Variants in NCOR1 observed in about 807,000 individuals in gnomAD.
NCOR1 encodes the protein protein phosphatase 1, regulatory subunit 109.
NCOR1 carries 63 observed loss-of-function variants against 288.1 expected under a neutral mutation model. The observed-to-expected ratio is 0.22, with a 90% CI of 0.18 to 0.27. NCOR1 has a LOEUF of 0.27. NCOR1 is among the 10% of genes least tolerant of loss of function. The pLI, the probability that NCOR1 is intolerant of heterozygous loss-of-function variation, is 1.00. For synonymous variants in NCOR1, 1,007 were observed against 1,065.9 expected (o/e 0.94, Z 1.08); for missense variants, 2,397 against 3,019.2 (o/e 0.79, Z 4.83).
At chr17:16,051,255 T>C (rs2059279167) in intron 40 of NCOR1, among the ~76,000 whole-genome samples, 1 of 152,202 alleles carries the variant, frequency 6.6e-6, no homozygotes, top group African/African-American at 2.4e-5. Flanking sequence ...CTCTTTCCTA[T>C]GCAACCCTCA....
chr17:16,073,975 A>G (rs1281847498), intron 27 of NCOR1, among the ~76,000 whole-genome samples: 1 of 152,236 alleles, frequency 6.6e-6, no homozygotes, highest in Non-Finnish European at 1.5e-5. Flanking sequence ...AGAATGAAGG[A>G]TGAATAAGAG....
At chr17:16,194,435 G>T (rs1414613223) in intron 2 of NCOR1, 27 bp downstream of exon 2, 1 of 1,433,424 alleles carries the variant, frequency 7.0e-7, no homozygotes, top group East Asian at 2.3e-5. Context: ...AAAAACATGT[G>T]CAATTTGCAT....
chr17:16,068,364 T>C (rs1187909028), intron 31 of NCOR1: 1 of 474,364 alleles, frequency 2.1e-6, no homozygotes, highest in Non-Finnish European at 3.8e-6. Flanking sequence ...CACCAGTATT[T>C]TACCACCTTA....
At chr17:16,147,240 C>T (rs959121657) in intron 9 of NCOR1, among the ~76,000 whole-genome samples, 1 of 152,124 alleles carries the variant, frequency 6.6e-6, no homozygotes, top group African/African-American at 2.4e-5. Flanking sequence ...GAAACCCCGT[C>T]TCTATTAAAA....
intron 3 of NCOR1, among the ~76,000 whole-genome samples, chr17:16,172,620 A>G (rs1363589781): frequency 6.6e-6 from 1 of 152,218 alleles, no homozygotes; most frequent in African/African-American, 2.4e-5. Flanking sequence ...ATGAGGTACC[A>G]TTCAGTCTTA....
At chr17:16,072,039 A>T in intron 29 of NCOR1, 106 bp downstream of exon 29, 1 of 890,092 alleles carries the variant, frequency 1.1e-6, no homozygotes, top group Non-Finnish European at 1.7e-6. Flanking sequence ...TAATATTTCA[A>T]AAGGGAAAAT....
At chr17:16,059,047 C>T (rs993106520) in intron 37 of NCOR1, among the ~76,000 whole-genome samples, 5 of 69,214 alleles carry the variant, frequency 7.2e-5, no homozygotes, top group African/African-American at 3.4e-4. Flanking sequence ...GAAACTCCGT[C>T]TCAAAAAAAA....
At chr17:16,082,743 A>G (rs2063588169) in intron 23 of NCOR1, among the ~76,000 whole-genome samples, 1 of 151,376 alleles carries the variant, frequency 6.6e-6, no homozygotes, top group South Asian at 2.1e-4. Context: ...AAAAAGAAGA[A>G]AGTACAAGAA....
intron 15 of NCOR1, among the ~76,000 whole-genome samples, chr17:16,122,973 C>A (rs1308329672): frequency 6.6e-6 from 1 of 152,116 alleles, no homozygotes; most frequent in Non-Finnish European, 1.5e-5. Context: ...CCCCTAGAGC[C>A]TTAGAGCTAT....
At position 16,047,061 on chromosome 17, in the gene NCOR1, T is replaced by A; in HGVS notation, c.6569A>T (p.Tyr2190Phe). The stretch of plus-strand genomic sequence containing the variant: ...AAGCTTGGTGAAGAATGAAGGCAAG[T>A]AGCTTATACTCCCTGGTGAGCGGGC... ...NDARSPGSIS[Y>F]LPSFFTKLEN... Residue 2190 changes from tyrosine to phenylalanine, a missense_variant, in exon 42 of 46, where the codon TAC (tyrosine) becomes TTC (phenylalanine). Around this residue, in one of 11 missense-constraint regions of NCOR1, gnomAD observed 1,872 missense variants for 2,187.8 expected, o/e 0.86. Transcript: ENST00000268712. 1 of 1,613,748 alleles carries A rather than the reference T, an allele frequency of 6.2e-7. No homozygotes were observed. Among genetic ancestry groups the A allele is most frequent in the South Asian group, 1.1e-5 (1 of 90,994 alleles).
At chr17:16,128,230 C>A (rs2075056836) in intron 14 of NCOR1, among the ~76,000 whole-genome samples, 1 of 152,242 alleles carries the variant, frequency 6.6e-6, no homozygotes, top group Non-Finnish European at 1.5e-5. Context: ...CTCACCTAAA[C>A]ATGCCCAGCA....
In NCOR1 at chr17:16,071,529, G is replaced by A. The variant is rs2152735639; in HGVS notation, c.4032C>T (p.Ile1344=). Residue 1344 remains isoleucine, a synonymous_variant, in exon 30 of 46, where the codon ATC becomes ATT. Coordinates refer to ENST00000268712, the MANE Select transcript of NCOR1 (RefSeq NM_006311.4). The part of the protein sequence containing the change: ...KGKPYDGITT[I]KEMGRSIHEI... ...CATGAATGGAACGCCCCATTTCTTT[G>A]ATGGTGGTGATGCCATCATATGGTT... 1 of 1,614,126 alleles carries A rather than the reference G, an allele frequency of 6.2e-7. No homozygotes were observed. Among genetic ancestry groups the A allele is most frequent in the Non-Finnish European group, 8.5e-7 (1 of 1,180,024 alleles).
chr17:16,137,568 C>T (rs2076603442), intron 13 of NCOR1, among the ~76,000 whole-genome samples, 156 bp from the exon 14 acceptor site: 1 of 152,072 alleles, frequency 6.6e-6, no homozygotes, highest in African/African-American at 2.4e-5. Context: ...TATCTAGGCT[C>T]TAAAATTATT....
At chr17:16,143,909 G>A (rs2077491886) in intron 10 of NCOR1, among the ~76,000 whole-genome samples, 1 of 152,170 alleles carries the variant, frequency 6.6e-6, no homozygotes, top group Non-Finnish European at 1.5e-5. Flanking sequence ...AAGGTTACAT[G>A]TTCATGTTCA....
In NCOR1 at chr17:16,061,840, G is replaced by A. The variant is rs952539938; in HGVS notation, c.5442C>T (p.Tyr1814=). The A allele has an allele frequency of 1.2e-6, 2 of 1,614,086 alleles. No individual in the cohort carries two copies. Among genetic ancestry groups the A allele is most frequent in the Non-Finnish European group, 1.7e-6 (2 of 1,179,972 alleles). Residue 1814 remains tyrosine (Y), a synonymous_variant, in exon 37 of 46, where the codon TAC becomes TAT. Coordinates refer to ENST00000268712, the MANE Select transcript of NCOR1 (RefSeq NM_006311.4). Reference sequence around the variant, plus strand: ...CAGCCAGGGCATCCGCAGCAGTGTTGTAACGGGAGGCTGGCAGGCCTTGGC... The same window carrying A: ...CAGCCAGGGCATCCGCAGCAGTGTTATAACGGGAGGCTGGCAGGCCTTGGC... ...SISQGLPASR[Y]NTAADALAAL...
intron 21 of NCOR1, among the ~76,000 whole-genome samples, chr17:16,094,111 C>G (rs1014682938): frequency 6.6e-6 from 1 of 151,888 alleles, no homozygotes; most frequent in Non-Finnish European, 1.5e-5. Flanking sequence ...CTATGTTGCC[C>G]AAGCTGGTCT....
At chr17:16,186,851 A>G (rs1423194741) in intron 2 of NCOR1, among the ~76,000 whole-genome samples, 164 bp from the exon 3 acceptor site, 3 of 152,176 alleles carry the variant, frequency 2.0e-5, no homozygotes, top group Non-Finnish European at 4.4e-5. Context: ...AATAATCAAC[A>G]TTTTAACTAT....
In NCOR1 at chr17:16,070,206, G is replaced by A. The variant is rs113458225; in HGVS notation, c.4472C>T (p.Thr1491Ile). Residue 1491 changes from threonine (T) to isoleucine (I), a missense_variant, in exon 31 of 46, where the codon ACC becomes ATC. Thr to Ile is a moderately conservative substitution (Grantham distance 89). Transcript: ENST00000268712. ...CATCATGGGTGAGCCTCTGGACATG[G>A]TGTTTTGATAACTCACAGGGGTCCT... is the stretch of plus-strand genomic sequence containing the variant. Reference protein sequence around the residue: ...ARRTPVSYQNTMSRGSPMMNR... With the variant: ...ARRTPVSYQNIMSRGSPMMNR... The A allele has an allele frequency of 4.0e-4, 653 of 1,613,480 alleles. No individual in the cohort carries two copies. Among genetic ancestry groups the A allele is most frequent in the Non-Finnish European group, 5.2e-4 (616 of 1,179,978 alleles).
rs1016184939 is a variant in NCOR1 at position 16,064,104 on chromosome 17, T to TCCGTTC, written c.5179_5184dup (p.Glu1727_Arg1728dup). On this transcript the variant is annotated inframe_insertion, in exon 35 of 46. Transcript: ENST00000268712. ...TAGAGGTCGGAGGAAGCTGCAGCAA[T>TCCGTTC]CCGTTCCCGCTCCCGCTCCTTCTCC... is the stretch of plus-strand genomic sequence containing the variant. The TCCGTTC allele has an allele frequency of 3.7e-6, 6 of 1,614,000 alleles. No homozygotes were observed. The highest frequency in any genetic ancestry group is 1.7e-5 in the Admixed American group (1 of 59,994).
Sources: gnomAD v4.1 joint callset for allele counts (sites outside exome capture counted in the v4.1 genomes callset) on GRCh38, gnomAD v4.1.1 for gene constraint, gnomAD v4.1.1 regional missense constraint, MANE v1.5 for transcripts, NCBI Gene and HGNC (gene_info 2026-07-23, HGNC 2026-07-21) for gene names.